SPMAP2: variants seen among roughly 807,000 people sequenced by gnomAD.
SPMAP2 encodes the protein sperm microtubule associated protein 2.
chr19:364,005 C>T, the SPMAP2 span, among the ~76,000 whole-genome samples: 2,493 of 152,174 alleles, frequency 0.016, 43 homozygotes, highest in East Asian at 0.031. Context: ...CATCGAGCTA[C>T]GAAACCTACA....
At chr19:364,107 G>A in the SPMAP2 span, among the ~76,000 whole-genome samples, 5 of 151,286 alleles carry the variant, frequency 3.3e-5, no homozygotes, top group African/African-American at 9.7e-5. Flanking sequence ...GCCGAGGCGG[G>A]CGGATCACAA....
the SPMAP2 span, among the ~76,000 whole-genome samples, chr19:365,056 A>AGGCAGAACCCCACGTG: frequency 1.3e-5 from 2 of 152,240 alleles, no homozygotes; most frequent in Non-Finnish European, 2.9e-5. Context: ...TCCACTAGGC[A>AGGCAGAACCCCACGTG]GGCAGAACCC....
chr19:372,374 C>T, the SPMAP2 span, among the ~76,000 whole-genome samples: 1 of 152,256 alleles, frequency 6.6e-6, no homozygotes, highest in Non-Finnish European at 1.5e-5. Context: ...CTGTGCAAAT[C>T]CCCGTTCACG....
the SPMAP2 span, chr19:367,038 A>G: frequency 1.2e-6 from 2 of 1,611,640 alleles, no homozygotes; most frequent in Non-Finnish European, 8.5e-7. Context: ...GACATCAGGA[A>G]ATGCCTAGCC....
chr19:365,333 AG>A, the SPMAP2 span, among the ~76,000 whole-genome samples: 2 of 152,220 alleles, frequency 1.3e-5, no homozygotes, highest in African/African-American at 2.4e-5. Flanking sequence ...GGTGACCCTA[AG>A]GGGGCTGGAA....
At chr19:372,690 G>A in the SPMAP2 span, 5 of 1,614,030 alleles carry the variant, frequency 3.1e-6, no homozygotes, top group Non-Finnish European at 4.2e-6. Context: ...CCTCCACGCG[G>A]CGGGACACCG....
the SPMAP2 span, chr19:367,200 G>C: frequency 1.4e-5 from 22 of 1,604,878 alleles, 1 homozygote; most frequent in South Asian, 2.4e-4. Context: ...ACTGCCATTT[G>C]GGCTGCCCTG....
At chr19:367,989 G>A in the SPMAP2 span, among the ~76,000 whole-genome samples, 1 of 152,158 alleles carries the variant, frequency 6.6e-6, no homozygotes, top group Non-Finnish European at 1.5e-5. Flanking sequence ...ATATGAAAAC[G>A]ATGGCAGTGG....
chr19:368,099 C>T, the SPMAP2 span, among the ~76,000 whole-genome samples: 1 of 152,084 alleles, frequency 6.6e-6, no homozygotes. This position sits in a 1 kb window ranked among gnomAD's most constrained non-coding sequence, Gnocchi z 4.1. Flanking sequence ...AGCACAGTGG[C>T]AGCCCTTTGG....
chr19:368,840 G>A, the SPMAP2 span, among the ~76,000 whole-genome samples: 1 of 152,294 alleles, frequency 6.6e-6, no homozygotes, highest in East Asian at 1.9e-4. The surrounding 1 kb of genome is among the most constrained non-coding windows in gnomAD (Gnocchi z 4.1). Context: ...CAGCCCTGCG[G>A]CTTCCATGCA....
At chr19:375,821 C>T in the SPMAP2 span, 3 of 1,607,590 alleles carry the variant, frequency 1.9e-6, no homozygotes, top group South Asian at 1.1e-5. Context: ...CTGCATTGTC[C>T]AGGTCCTGGC....
the SPMAP2 span, chr19:371,164 C>A: frequency 1.6e-6 from 2 of 1,254,584 alleles, no homozygotes; most frequent in Non-Finnish European, 2.1e-6. Context: ...GGTCCCAGCC[C>A]GCCTGGCGGG....
the SPMAP2 span, among the ~76,000 whole-genome samples, chr19:363,530 CTTT>C: frequency 2.7e-5 from 4 of 148,478 alleles, no homozygotes; most frequent in Non-Finnish European, 6.0e-5. Flanking sequence ...TTTTATTTTA[CTTT>C]ATTATTTTAT....
At chr19:362,713 C>G in the SPMAP2 span, among the ~76,000 whole-genome samples, 2 of 144,128 alleles carry the variant, frequency 1.4e-5, no homozygotes, top group Non-Finnish European at 3.0e-5. Flanking sequence ...TTGCAGTGAG[C>G]GCAGATCGCG....
chr19:362,227 C>G, the SPMAP2 span: 1 of 1,562,136 alleles, frequency 6.4e-7, no homozygotes, highest in Non-Finnish European at 8.7e-7. Context: ...GTTGATCACA[C>G]TTTTCTGGTG....
the SPMAP2 span, chr19:371,160 A>G: frequency 2.5e-6 from 3 of 1,210,924 alleles, no homozygotes; most frequent in Non-Finnish European, 3.4e-6. Context: ...GCCGGGTCCC[A>G]GCCCGCCTGG....
At chr19:373,809 G>C in the SPMAP2 span, 1 of 893,534 alleles carries the variant, frequency 1.1e-6, no homozygotes, top group Non-Finnish European at 1.8e-6. Flanking sequence ...AGGGTGGAGA[G>C]CCCCACATCT....
At chr19:375,722 T>A in the SPMAP2 span, 1 of 1,607,618 alleles carries the variant, frequency 6.2e-7, no homozygotes, top group Non-Finnish European at 8.5e-7. Flanking sequence ...ACTCAGAAAG[T>A]GCCTCTTTGG....
the SPMAP2 span, among the ~76,000 whole-genome samples, chr19:369,570 G>A: frequency 5.9e-5 from 9 of 152,050 alleles, no homozygotes; most frequent in African/African-American, 1.2e-4. Context: ...CTCCCCACCC[G>A]GAGAATGCAA....
Sources: gnomAD v4.1 joint callset for allele counts (sites outside exome capture counted in the v4.1 genomes callset) on GRCh38, gnomAD v4.1.1 for gene constraint, Gnocchi (gnomAD v3.1) non-coding constraint, MANE v1.5 for transcripts, NCBI Gene and HGNC (gene_info 2026-07-23, HGNC 2026-07-21) for gene names.